The following USP40 variants were observed in gnomAD, a reference collection of about 807,000 sequenced individuals.
The protein encoded by USP40 is ubiquitin carboxyl-terminal hydrolase 40.
In USP40, 143 loss-of-function variants were observed where a neutral mutation model predicts 166.2. The ratio of observed to expected loss-of-function variants is 0.86; its 90% CI spans 0.75 to 0.99. The LOEUF is 0.99. Among genes scored for constraint, USP40 ranks in the 50% least tolerant of loss-of-function variants. USP40 has a pLI of 0.00. For missense variants in USP40, 1,444 were observed against 1,479.7 expected, an observed-to-expected ratio of 0.98 and a Z score of 0.40; for synonymous variants, 498 against 524.0, an observed-to-expected ratio of 0.95 and a Z score of 0.68.
rs761579899 is a variant in USP40, at chr2:233,485,552, G to A, written c.3483C>T (p.Asp1161=). 38 of 1,613,632 alleles carry A rather than the reference G, an allele frequency of 2.4e-5. No homozygotes were observed. The highest frequency in any genetic ancestry group is 7.7e-5 in the South Asian group (7 of 91,056). Residue 1161 remains aspartate (D), a synonymous_variant, in exon 30 of 32, where the codon GAC becomes GAT. Coordinates refer to ENST00000678225, the MANE Select transcript of USP40 (RefSeq NM_001365479.2). ...TTACCTTAACACCAATAGTATCTCC[G>A]TCTTTCAAGTAATACGGTGCCCCTT... ...YLQGAPYYLK[D]GDTIGVKNLL...
At chr2:233,478,787 C>T (rs527580735) in intron 31 of USP40, among the ~76,000 whole-genome samples, 2 of 152,204 alleles carry the variant, frequency 1.3e-5, no homozygotes, top group South Asian at 4.2e-4. Flanking sequence ...TACATGAAAA[C>T]AGCAAGGTTA....
At chr2:233,547,377 C>T (rs957857061) in intron 8 of USP40, among the ~76,000 whole-genome samples, 7 of 152,102 alleles carry the variant, frequency 4.6e-5, no homozygotes, top group Non-Finnish European at 8.8e-5. Context: ...TCTCTCAATA[C>T]GTTCCAAATA....
chr2:233,517,781 GGTGTGTGTGTGTGTGTGTGTGTGT>G (rs111938537), intron 18 of USP40, among the ~76,000 whole-genome samples: 19 of 142,172 alleles, frequency 1.3e-4, no homozygotes, highest in Admixed American at 2.1e-4. Context: ...AAGAAACTGT[GGTGTGTGTGTGTGTGTGTGTGTGT>G]GTGTGTGTGT....
intron 25 of USP40, among the ~76,000 whole-genome samples, chr2:233,492,357 T>C (rs1405894336): frequency 2.0e-5 from 3 of 152,246 alleles, no homozygotes; most frequent in Admixed American, 6.5e-5. Context: ...ACGATGCATT[T>C]CTCAAAACAT....
intron 7 of USP40, among the ~76,000 whole-genome samples, chr2:233,550,653 A>G (rs570441960): frequency 3.3e-5 from 5 of 152,354 alleles, no homozygotes; most frequent in South Asian, 2.1e-4. Flanking sequence ...GAATAAACAT[A>G]TAAGAATGAT....
chr2:233,498,948 G>C (rs1254021109), intron 22 of USP40, among the ~76,000 whole-genome samples: 10 of 152,128 alleles, frequency 6.6e-5, no homozygotes, highest in African/African-American at 1.9e-4. Flanking sequence ...AAAATTGAAA[G>C]GAATCAGTGG....
intron 31 of USP40, among the ~76,000 whole-genome samples, chr2:233,479,563 A>G (rs2064413567): frequency 6.7e-6 from 1 of 148,236 alleles, no homozygotes; most frequent in Non-Finnish European, 1.5e-5. Flanking sequence ...CTCCGTCGCA[A>G]AAAAAAAAAA....
At position 233,499,922 on chromosome 2, in the gene USP40, A is replaced by G. The variant is rs766138737; in HGVS notation, c.2614-7T>C. The G allele has an allele frequency of 1.2e-6, 2 of 1,611,586 alleles. No homozygotes were observed. The highest frequency in any genetic ancestry group is 2.2e-5 in the South Asian group (2 of 90,552). On this transcript the variant is annotated splice_polypyrimidine_tract_variant and splice_region_variant and intron_variant, in intron 21 of 31. Transcript: ENST00000678225. ...TCAGCATTAACTTTAAACACTGTAA[A>G]GAAAAACAATGTCCAATGTTAGTTT...
chr2:233,512,610 C>A lies in USP40; in HGVS notation c.2396G>T (p.Cys799Phe). The A allele has an allele frequency of 6.6e-7, 1 of 1,521,322 alleles. No individual in the cohort carries two copies. The allele number at this position is 1,521,322 out of a possible 1,614,324, so 94.2% of individuals were successfully genotyped here. Residue 799 changes from cysteine (C) to phenylalanine (F), a missense_variant, in exon 19 of 32, where the codon TGT becomes TTT. By Grantham distance (205) the Cys-to-Phe change is radical. Transcript: ENST00000678225. ...KLMKELADNS[C>F]LRPIDRNGKL... ...CCCATTTCTATCAATAGGTCTCAAA[C>A]AGCTGTTGTCAGCTATATATAAAAG...
rs1327288325 is a variant in USP40, at chr2:233,542,265, T to C, written c.1062+3A>G. On this transcript the variant is annotated splice_donor_region_variant and intron_variant, in intron 9 of 31. Coordinates refer to ENST00000678225, the MANE Select transcript of USP40 (RefSeq NM_001365479.2). Reference sequence around the variant, plus strand: ...TACAAATACATACACACACATACTATACCTCTAATAAGATTGCTTTTAGAA... The same window carrying C: ...TACAAATACATACACACACATACTACACCTCTAATAAGATTGCTTTTAGAA... The C allele has an allele frequency of 6.7e-7, 1 of 1,497,004 alleles. No homozygotes were observed. The highest frequency in any genetic ancestry group is 9.0e-7 in the Non-Finnish European group (1 of 1,105,162). The allele number at this position is 1,497,004 out of a possible 1,614,324, so 92.7% of individuals were successfully genotyped here.
At position 233,552,224 on chromosome 2, in the gene USP40, G is replaced by GA. The variant is rs532914445; in HGVS notation, c.694-706dup. 9.3e-3 allele frequency among the ~76,000 whole-genome samples: 1,080 copies of GA among 115,940 alleles called. 22 individuals carry two copies. The East Asian group carries it at 0.1, about 11-fold the overall frequency. The allele number at this position is 115,940 out of a possible 152,430, so 76.1% of individuals were successfully genotyped here. A position where few individuals can be genotyped will look rare whatever the true frequency, so the allele number is the denominator to read the frequency against. ...TAGTGGGTAAAAAAAAAAGTTGAAT[G>GA]AAAAAAAAAAAACAAAAAACCCCAG... On this transcript the variant is annotated intron_variant, in intron 6 of 31. Coordinates refer to ENST00000678225, the MANE Select transcript of USP40 (RefSeq NM_001365479.2).
At chr2:233,524,448 A>C (rs1425467872) in intron 15 of USP40, 44 bp downstream of exon 15, 1 of 1,565,308 alleles carries the variant, frequency 6.4e-7, no homozygotes, top group South Asian at 1.2e-5. Flanking sequence ...GACTTTTAAA[A>C]CATCCAAAAT....
At chr2:233,511,637 A>T in intron 20 of USP40, 72 bp downstream of exon 20, 1 of 1,138,972 alleles carries the variant, frequency 8.8e-7, no homozygotes, top group Non-Finnish European at 1.3e-6. Context: ...TTACTGGAGT[A>T]GCTAAGGTAC....
chr2:233,495,292 A>T (rs1252733664), intron 24 of USP40, among the ~76,000 whole-genome samples: 1 of 151,984 alleles, frequency 6.6e-6, no homozygotes, highest in Non-Finnish European at 1.5e-5. Context: ...TATGCTATGT[A>T]TATACACATT....
chr2:233,564,629 T>C (rs1374769362), intron 2 of USP40, among the ~76,000 whole-genome samples: 1 of 152,058 alleles, frequency 6.6e-6, no homozygotes, highest in Admixed American at 6.6e-5. Flanking sequence ...TTGCACACAA[T>C]CCCTTACCTA....
At chr2:233,538,645 A>G (rs1166947543) in intron 10 of USP40, among the ~76,000 whole-genome samples, 3 of 152,210 alleles carry the variant, frequency 2.0e-5, no homozygotes, top group African/African-American at 7.2e-5. Context: ...ATACTGAGAC[A>G]CACATGTATA....
intron 31 of USP40, among the ~76,000 whole-genome samples, chr2:233,479,987 T>A (rs2125018160): frequency 6.6e-6 from 1 of 152,262 alleles, no homozygotes; most frequent in South Asian, 2.1e-4. Context: ...GCTCCCTGAT[T>A]CTACTTCTAC....
intron 21 of USP40, among the ~76,000 whole-genome samples, chr2:233,508,788 T>C (rs934887115): frequency 6.6e-6 from 1 of 152,262 alleles, no homozygotes; most frequent in Non-Finnish European, 1.5e-5. Context: ...TTTACCTTTA[T>C]GATTGCCTAG....
chr2:233,559,436 G>A (rs866847475), intron 4 of USP40, among the ~76,000 whole-genome samples: 3 of 152,130 alleles, frequency 2.0e-5, no homozygotes, highest in South Asian at 2.1e-4. Context: ...ATCCATTATT[G>A]TTGGTCAAAG....
Sources: gnomAD v4.1 joint callset for allele counts (sites outside exome capture counted in the v4.1 genomes callset) on GRCh38, gnomAD v4.1.1 for gene constraint, MANE v1.5 for transcripts, NCBI Gene and HGNC (gene_info 2026-07-23, HGNC 2026-07-21) for gene names.